RHCE: variants seen among roughly 807,000 people sequenced by gnomAD.
RHCE encodes Rh blood group CcEe antigens.
A neutral mutation model predicts 43.8 loss-of-function variants in RHCE; 22 were observed. The ratio of observed to expected loss-of-function variants is 0.50; its 90% CI spans 0.36 to 0.72. The LOEUF (loss-of-function observed/expected upper bound fraction) is 0.72, where lower values mean the gene tolerates loss of function less well. Among genes scored for constraint, RHCE ranks in the 30% least tolerant of loss-of-function variants. RHCE has a pLI of 0.00. For missense variants in RHCE, 385 were observed against 525.4 expected (o/e 0.73, Z 2.61); for synonymous variants, 156 against 210.7 (o/e 0.74, Z 2.25).
At chr1:25,395,326 T>TGA (rs1157264983) in intron 3 of RHCE, among the ~76,000 whole-genome samples, 4 of 149,892 alleles carry the variant, frequency 2.7e-5, no homozygotes, top group Non-Finnish European at 3.0e-5. Context: ...CAGGAACAAG[T>TGA]GGAGGTGGAT....
intron 7 of RHCE, among the ~76,000 whole-genome samples, chr1:25,376,351 C>T (rs1645786660): frequency 6.6e-6 from 1 of 152,202 alleles, no homozygotes; most frequent in Non-Finnish European, 1.5e-5. Context: ...TTCACTGCAG[C>T]CCCACGGATA....
chr1:25,421,979 G>A (rs947444465), upstream of RHCE, among the ~76,000 whole-genome samples: 3 of 152,152 alleles, frequency 2.0e-5, no homozygotes, highest in African/African-American at 7.2e-5. Context: ...TACTCATGAG[G>A]TAGTGAGCAC....
At chr1:25,401,833 C>T (rs910116054) in intron 3 of RHCE, among the ~76,000 whole-genome samples, 6 of 152,164 alleles carry the variant, frequency 3.9e-5, no homozygotes, top group African/African-American at 1.4e-4. Context: ...CTTTTGTAAC[C>T]TCATTTGGGT....
chr1:25,426,084 A>G (rs2042803319), intron 2 of RHCE, among the ~76,000 whole-genome samples: 1 of 152,234 alleles, frequency 6.6e-6, no homozygotes, highest in African/African-American at 2.4e-5. Flanking sequence ...GTTGTTGTGA[A>G]GATTCAACGA....
In RHCE at chr1:25,362,267, TTAA is replaced by T. The variant is rs2124273015; in HGVS notation, c.*257_*259del. 4.0e-6 allele frequency: 3 copies of T among 742,014 alleles called. No individual in the cohort carries two copies. Among genetic ancestry groups the T allele is most frequent in the East Asian group, 5.5e-5 (2 of 36,098 alleles). The allele number at this position is 742,014 out of a possible 1,614,324, so 46.0% of individuals were successfully genotyped here. On this transcript the variant is annotated 3_prime_UTR_variant, in exon 10 of 10. Transcript: ENST00000294413. ...TTGTCAATAAAATTAACCCAAAACTTTAATAATGTGTCTGTAACCAAGAAAATA... is the reference window on the plus strand; with the variant it reads ...TTGTCAATAAAATTAACCCAAAACTTTAATGTGTCTGTAACCAAGAAAATA...
At chr1:25,395,071 T>C (rs1318564389) in intron 3 of RHCE, among the ~76,000 whole-genome samples, 3 of 145,078 alleles carry the variant, frequency 2.1e-5, no homozygotes, top group Non-Finnish European at 4.5e-5. Flanking sequence ...GCAATCGTTA[T>C]GAAGACTGCA....
At chr1:25,371,026 T>C (rs535724892) in intron 8 of RHCE, among the ~76,000 whole-genome samples, 2 of 149,248 alleles carry the variant, frequency 1.3e-5, no homozygotes, top group African/African-American at 5.0e-5. Flanking sequence ...AAATTGCTAG[T>C]ATTATAGGCA....
At chr1:25,379,223 C>T (rs1318297236) in intron 7 of RHCE, among the ~76,000 whole-genome samples, 1 of 151,792 alleles carries the variant, frequency 6.6e-6, no homozygotes, top group African/African-American at 2.4e-5. Flanking sequence ...TCAGGTCTCT[C>T]TTCCTCTTGT....
At chr1:25,412,978 C>T (rs1370427923) in intron 1 of RHCE, among the ~76,000 whole-genome samples, 6 of 152,034 alleles carry the variant, frequency 3.9e-5, no homozygotes, top group Admixed American at 1.3e-4. Flanking sequence ...GAGCCGAGAT[C>T]GCACCACTGT....
intron 3 of RHCE, among the ~76,000 whole-genome samples, chr1:25,395,226 G>A (rs1646501036): frequency 7.0e-6 from 1 of 143,764 alleles, no homozygotes; most frequent in Non-Finnish European, 1.5e-5. Context: ...TGACCCAGGG[G>A]ACTGATCAGA....
rs766919809 is a variant in RHCE, at chr1:25,420,822, C to T, written c.-36G>A. ...TCTCTGTGCAGGGGTTCCACCAGCACCAGGCATCACCCCTCTCTCCAACAC... is the reference window on the plus strand; with the variant it reads ...TCTCTGTGCAGGGGTTCCACCAGCATCAGGCATCACCCCTCTCTCCAACAC... On this transcript the variant is annotated 5_prime_UTR_variant, in exon 1 of 10. It adds an upstream start codon to the 5' untranslated region. Transcript: ENST00000294413. 4 of 1,599,144 alleles carry T rather than the reference C, an allele frequency of 2.5e-6. No individual in the cohort carries two copies. Among genetic ancestry groups the T allele is most frequent in the Non-Finnish European group, 3.4e-6 (4 of 1,172,516 alleles).
At chr1:25,385,972 C>T (rs1413656053) in intron 6 of RHCE, 128 bp from the exon 7 acceptor site, 4 of 1,376,622 alleles carry the variant, frequency 2.9e-6, no homozygotes, top group East Asian at 2.3e-5. Context: ...CTCAAAGAAG[C>T]CCTTCTCAGA....
In RHCE at chr1:25,402,748, TG is replaced by T; in HGVS notation, c.336-3del. 11 of 1,614,152 alleles carry T rather than the reference TG, an allele frequency of 6.8e-6. No homozygotes were observed. Among genetic ancestry groups the T allele is most frequent in the Non-Finnish European group, 9.3e-6 (11 of 1,180,022 alleles). On this transcript the variant is annotated splice_polypyrimidine_tract_variant and splice_region_variant and intron_variant, in intron 2 of 9. Transcript: ENST00000294413. ...GCACTCATGGTGGCCAGCCGAATAC[TG>T]GGGGTGAGAAGGAGAGCCAGGATGA...
chr1:25,421,890 A>C (rs2042764348), upstream of RHCE, among the ~76,000 whole-genome samples: 1 of 152,260 alleles, frequency 6.6e-6, no homozygotes, highest in Admixed American at 6.5e-5. Context: ...CCCAGAGAAT[A>C]AAGCCAGGGC....
chr1:25,381,493 G>A (rs954009827), intron 7 of RHCE, among the ~76,000 whole-genome samples: 1 of 87,838 alleles, frequency 1.1e-5, no homozygotes, highest in Non-Finnish European at 2.2e-5. Context: ...TTTTGCTCTT[G>A]TTGCCCAAGC....
At chr1:25,411,122 A>G (rs1647061438) in intron 1 of RHCE, among the ~76,000 whole-genome samples, 2 of 152,090 alleles carry the variant, frequency 1.3e-5, no homozygotes, top group South Asian at 4.1e-4. Flanking sequence ...TAAATAAAAT[A>G]AAATATCAAT....
intron 3 of RHCE, among the ~76,000 whole-genome samples, chr1:25,402,206 G>GTCTATCTATCTATCTATCTA (rs56985100): frequency 7.7e-6 from 1 of 130,384 alleles, no homozygotes; most frequent in Non-Finnish European, 1.6e-5. Flanking sequence ...CTGTCTGTCT[G>GTCTATCTATCTATCTATCTA]TCTATCTATC....
chr1:25,413,032 A>G (rs962335570), intron 1 of RHCE, among the ~76,000 whole-genome samples: 1 of 150,440 alleles, frequency 6.6e-6, no homozygotes, highest in Non-Finnish European at 1.5e-5. Context: ...TCAAAAAAAA[A>G]GAGAGATGAG....
At chr1:25,420,490 A>G in intron 1 of RHCE, 149 bp downstream of exon 1, 1 of 1,496,608 alleles carries the variant, frequency 6.7e-7, no homozygotes, top group East Asian at 2.3e-5. Context: ...TGTTGACTGA[A>G]TTTCGGTGCA....
Sources: allele counts gnomAD v4.1 joint callset (sites outside exome capture counted in the v4.1 genomes callset), GRCh38; gene constraint gnomAD v4.1.1; transcripts MANE v1.5; gene names NCBI Gene and HGNC (gene_info 2026-07-23, HGNC 2026-07-21).